Variants in COL11A2 observed in about 807,000 individuals in gnomAD.
COL11A2 encodes collagen alpha-2(XI) chain.
COL11A2 carries 116 observed loss-of-function variants against 273.4 expected under a neutral mutation model. The observed-to-expected ratio is 0.42, with a 90% CI of 0.36 to 0.49. The LOEUF (loss-of-function observed/expected upper bound fraction) is 0.49. COL11A2 is among the 20% of genes least tolerant of loss of function. The probability of loss-of-function intolerance (pLI) is 0.00; values close to 1 mark genes in which losing one functional copy is unlikely to be tolerated. For missense variants in COL11A2, 1,866 were observed against 2,309.0 expected, an observed-to-expected ratio of 0.81 and a Z score of 3.93; for synonymous variants, 782 against 864.2, an observed-to-expected ratio of 0.90 and a Z score of 1.67.
rs764335860 is a variant in COL11A2, at chr6:33,177,001, G to A, written c.2061C>T (p.Asp687=). 9.9e-6 allele frequency: 16 copies of A among 1,611,536 alleles called. No homozygotes were observed. The highest frequency in any genetic ancestry group is 7.7e-5 in the South Asian group (7 of 90,684). The change falls in exon 25 of 66, where the codon GAC becomes GAT. Residue 687 remains aspartate (D), a synonymous_variant. Transcript: ENST00000341947. This position sits in a 1 kb window ranked among gnomAD's most constrained non-coding sequence, Gnocchi z 5.9. ...GTGGGGTCCCACTCACCGGGGGTCC[G>A]TCTGAGCCAGGCATGCCGGGGAGCC... is the stretch of plus-strand genomic sequence containing the variant. ...KPGLPGMPGS[D]GPPGHPGKEG... is the part of the protein sequence containing the mutation.
chr6:33,176,338 A>G lies in COL11A2; in HGVS notation c.2170-35T>C. ...GAGAGGGGATAGAAGTAGACTGATC[A>G]GGGGATGGAGGTGGGTTGGAAGGAC... On this transcript the variant is annotated intron_variant, in intron 27 of 65. Transcript: ENST00000341947. The surrounding 1 kb of genome is among the most constrained non-coding windows in gnomAD (Gnocchi z 4.9). The G allele has an allele frequency of 3.1e-6, 5 of 1,601,488 alleles. No homozygotes were observed. The highest frequency in any genetic ancestry group is 4.3e-6 in the Non-Finnish European group (5 of 1,173,716).
At position 33,188,918 on chromosome 6, in the gene COL11A2, T is replaced by C. The variant is rs1354471366; in HGVS notation, c.443+60A>G. Reference sequence around the variant, plus strand: ...GTTTCACAGTTTAGAGTGTAGGGGTTTGGGGGCACTTCCTCCTGAAAGTGT... The same window carrying C: ...GTTTCACAGTTTAGAGTGTAGGGGTCTGGGGGCACTTCCTCCTGAAAGTGT... On this transcript the variant is annotated intron_variant, in intron 3 of 65. Coordinates refer to ENST00000341947, the MANE Select transcript of COL11A2 (RefSeq NM_080680.3). 4 of 1,580,136 alleles carry C rather than the reference T, an allele frequency of 2.5e-6. No individual in the cohort carries two copies. In the East Asian group the frequency reaches 6.7e-5, roughly 27 times the overall value.
In COL11A2 at chr6:33,171,172, G is replaced by A; in HGVS notation, c.3313-5C>T. ...TCCAGGGGGTCCAGGAGGGCCCTGGGTAAGAGAAGAGAGTCAGAGACACCA... is the reference window on the plus strand; with the variant it reads ...TCCAGGGGGTCCAGGAGGGCCCTGGATAAGAGAAGAGAGTCAGAGACACCA... On this transcript the variant is annotated splice_region_variant and splice_polypyrimidine_tract_variant and intron_variant, in intron 44 of 65. Transcript: ENST00000341947. 3 of 1,609,664 alleles carry A rather than the reference G, an allele frequency of 1.9e-6. No homozygotes were observed. The highest frequency in any genetic ancestry group is 2.5e-6 in the Non-Finnish European group (3 of 1,177,596).
chr6:33,183,943 A>T (rs1026785746), intron 8 of COL11A2, among the ~76,000 whole-genome samples: 2 of 152,148 alleles, frequency 1.3e-5, no homozygotes, highest in Non-Finnish European at 2.9e-5. Context: ...AGTATCCACA[A>T]GAGTCACAAG....
rs1011115366 is a variant in COL11A2, at chr6:33,165,354, G to T, written c.4750+195C>A. ...GCAGACACTGGGCTGATAACCAACTGGTACACACTGACCCAGATCAGTTGC... is the reference window on the plus strand; with the variant it reads ...GCAGACACTGGGCTGATAACCAACTTGTACACACTGACCCAGATCAGTTGC... On this transcript the variant is annotated intron_variant, in intron 63 of 65. Coordinates refer to ENST00000341947, the MANE Select transcript of COL11A2 (RefSeq NM_080680.3). This position sits in a 1 kb window ranked among gnomAD's most constrained non-coding sequence, Gnocchi z 7.7. 6.6e-6 allele frequency among the ~76,000 whole-genome samples: 1 copy of T among 152,094 alleles called. No homozygotes were observed. Among genetic ancestry groups the T allele is most frequent in the African/African-American group, 2.4e-5 (1 of 41,386 alleles).
intron 41 of COL11A2, 81 bp downstream of exon 41, chr6:33,171,969 G>T: frequency 1.3e-6 from 2 of 1,567,804 alleles, no homozygotes; most frequent in Non-Finnish European, 1.8e-6. Flanking sequence ...AGCCCCTGGT[G>T]GTATCAGAAT....
At position 33,170,542 on chromosome 6, in the gene COL11A2, AG is replaced by A; in HGVS notation, c.3528+14del. 6.2e-7 allele frequency: 1 copy of A among 1,611,928 alleles called. No homozygotes were observed. Among genetic ancestry groups the A allele is most frequent in the Non-Finnish European group, 8.5e-7 (1 of 1,179,554 alleles). On this transcript the variant is annotated intron_variant, in intron 47 of 65. Transcript: ENST00000341947. The surrounding 1 kb of genome is among the most constrained non-coding windows in gnomAD (Gnocchi z 4.3). Reference sequence around the variant, plus strand: ...GACTAGTATGGTGGCTAGGGTCAGTAGGGGTCACACTCACCATAGGACCCAC... The same window carrying A: ...GACTAGTATGGTGGCTAGGGTCAGTAGGGTCACACTCACCATAGGACCCAC...
At position 33,190,469 on chromosome 6, in the gene COL11A2, C is replaced by T. The variant is rs961351312; in HGVS notation, c.83-1000G>A. 1.3e-5 allele frequency among the ~76,000 whole-genome samples: 2 copies of T among 152,210 alleles called. No individual in the cohort carries two copies. Among genetic ancestry groups the T allele is most frequent in the African/African-American group, 2.4e-5 (1 of 41,442 alleles). Reference sequence around the variant, plus strand: ...CTGGAAAACAAAAGATCACCTTGCCCTCACTTGCTCCCCTATACACATACT... The same window carrying T: ...CTGGAAAACAAAAGATCACCTTGCCTTCACTTGCTCCCCTATACACATACT... On this transcript the variant is annotated intron_variant, in intron 1 of 65. Transcript: ENST00000341947. The surrounding 1 kb of genome is among the most constrained non-coding windows in gnomAD (Gnocchi z 4.5).
chr6:33,172,434 G>T, intron 39 of COL11A2, 56 bp from the exon 40 acceptor site: 1 of 1,549,630 alleles, frequency 6.5e-7, no homozygotes, highest in Non-Finnish European at 8.8e-7. Context: ...TAAACAGAGA[G>T]CTCTCCAGCC....
rs1225901143 is a variant in COL11A2 at position 33,176,416 on chromosome 6, G to T, written c.2169+17C>A. ...CCTGACCACAGCCCTTTGTCTCCCA[G>T]CCTGGTGGTCAGTTACCTTGACCCC... On this transcript the variant is annotated intron_variant, in intron 27 of 65. Coordinates refer to ENST00000341947, the MANE Select transcript of COL11A2 (RefSeq NM_080680.3). This position sits in a 1 kb window ranked among gnomAD's most constrained non-coding sequence, Gnocchi z 4.9. 6.2e-7 allele frequency: 1 copy of T among 1,612,106 alleles called. No individual in the cohort carries two copies. The highest frequency in any genetic ancestry group is 8.5e-7 in the Non-Finnish European group (1 of 1,179,570).
chr6:33,176,634 T>TAATGAGA lies in COL11A2; in HGVS notation c.2115+80_2115+86dup, dbSNP rs1203104048. The TAATGAGA allele has an allele frequency of 7.0e-7, 1 of 1,436,098 alleles. No homozygotes were observed. The highest frequency in any genetic ancestry group is 9.7e-7 in the Non-Finnish European group (1 of 1,029,396). The allele number at this position is 1,436,098 out of a possible 1,614,324, so 89.0% of individuals were successfully genotyped here. ...TGAGAATGTGGCAGAGCCATATGAA[T>TAATGAGA]AATGAGACAAGGGAATCCCAAGGAC... On this transcript the variant is annotated intron_variant, in intron 26 of 65. Transcript: ENST00000341947. The surrounding 1 kb of genome is among the most constrained non-coding windows in gnomAD (Gnocchi z 4.9).
Position 33,164,927 on chromosome 6 carries a change from C to A in COL11A2, c.4788G>T (p.Arg1596=). 1 of 1,580,438 alleles carries A rather than the reference C, an allele frequency of 6.3e-7. No individual in the cohort carries two copies. The highest frequency in any genetic ancestry group is 8.6e-7 in the Non-Finnish European group (1 of 1,161,852). The change falls in exon 64 of 66, where the codon CGG becomes CGT. Residue 1596 remains arginine, a synonymous_variant. Coordinates refer to ENST00000341947, the MANE Select transcript of COL11A2 (RefSeq NM_080680.3). The surrounding 1 kb of genome is among the most constrained non-coding windows in gnomAD (Gnocchi z 4.7). ...YWVDPNQGCA[R]DAFRVFCNFT... The stretch of plus-strand genomic sequence containing the variant: ...AGTTGCAGAAAACTCGGAAGGCATC[C>A]CGAGCACAGCCCTGGTTGGGGTCGA...
At chr6:33,180,847 G>T in intron 10 of COL11A2, 117 bp from the exon 11 acceptor site, 1 of 1,551,130 alleles carries the variant, frequency 6.4e-7, no homozygotes, top group Non-Finnish European at 8.9e-7. Flanking sequence ...AGCGTTGATT[G>T]GAGGGATGCT....
At position 33,167,690 on chromosome 6, in the gene COL11A2, A is replaced by C; in HGVS notation, c.4014+109T>G. The C allele has an allele frequency of 6.7e-7, 1 of 1,488,842 alleles. No homozygotes were observed. Among genetic ancestry groups the C allele is most frequent in the Non-Finnish European group, 9.3e-7 (1 of 1,078,020 alleles). The allele number at this position is 1,488,842 out of a possible 1,614,324, so 92.2% of individuals were successfully genotyped here. ...AGTACAGGGAACGCCTGTCCCCATAAGGGCCCAACATGGGAGAGGTGGAGA... is the reference window on the plus strand; with the variant it reads ...AGTACAGGGAACGCCTGTCCCCATACGGGCCCAACATGGGAGAGGTGGAGA... On this transcript the variant is annotated intron_variant, in intron 55 of 65. Transcript: ENST00000341947. The surrounding 1 kb of genome is among the most constrained non-coding windows in gnomAD (Gnocchi z 6.1).
Position 33,178,061 on chromosome 6 carries a change from G to T in COL11A2, c.1872+71C>A. ...CCGAGAGAGGAGAGGGAGCAGGAAG[G>T]CAGCTAGAAAGGTGGAGAGTTGGAG... On this transcript the variant is annotated intron_variant, in intron 21 of 65. Transcript: ENST00000341947. This position sits in a 1 kb window ranked among gnomAD's most constrained non-coding sequence, Gnocchi z 4.6. 6.9e-7 allele frequency: 1 copy of T among 1,458,228 alleles called. No homozygotes were observed. The highest frequency in any genetic ancestry group is 9.5e-7 in the Non-Finnish European group (1 of 1,055,884). The allele number at this position is 1,458,228 out of a possible 1,614,324, so 90.3% of individuals were successfully genotyped here.
rs1773024716 is a variant in COL11A2, at chr6:33,190,844, T to C, written c.82+1315A>G. Among the ~76,000 whole-genome samples, 1 of 151,336 alleles carries C rather than the reference T, an allele frequency of 6.6e-6. No individual in the cohort carries two copies. Among genetic ancestry groups the C allele is most frequent in the African/African-American group, 2.4e-5 (1 of 41,110 alleles). On this transcript the variant is annotated intron_variant, in intron 1 of 65. Coordinates refer to ENST00000341947, the MANE Select transcript of COL11A2 (RefSeq NM_080680.3). This position sits in a 1 kb window ranked among gnomAD's most constrained non-coding sequence, Gnocchi z 4.5. ...TCGGAGGTCCCCACCCTCCACCAAA[T>C]CCCAAGGGAGTACAATTCGATCATA...
intron 6 of COL11A2, among the ~76,000 whole-genome samples, chr6:33,185,348 G>A (rs1357760687): frequency 6.6e-6 from 1 of 152,154 alleles, no homozygotes; most frequent in Non-Finnish European, 1.5e-5. Context: ...TGCCCTCCGA[G>A]CTGGGCATCG....
At chr6:33,188,954 G>C (rs1246912056) in intron 3 of COL11A2, 24 bp downstream of exon 3, 1 of 1,613,056 alleles carries the variant, frequency 6.2e-7, no homozygotes, top group Non-Finnish European at 8.5e-7. Context: ...GGGCCAGGCA[G>C]ACCAGAGGAG....
chr6:33,187,825 C>T (rs2744539), intron 4 of COL11A2, among the ~76,000 whole-genome samples: 14,301 of 113,452 alleles, frequency 0.13, 933 homozygotes, highest in South Asian at 0.23. Flanking sequence ...TGCATGCATC[C>T]TTGTGTGCAT....
Sources: gnomAD v4.1 joint callset for allele counts (sites outside exome capture counted in the v4.1 genomes callset) on GRCh38, gnomAD v4.1.1 for gene constraint, Gnocchi (gnomAD v3.1) non-coding constraint, MANE v1.5 for transcripts, NCBI Gene and HGNC (gene_info 2026-07-23, HGNC 2026-07-21) for gene names.